The following DAB1 variants were observed in gnomAD, a reference collection of about 807,000 sequenced individuals.
The protein encoded by DAB1 is disabled homolog 1.
A neutral mutation model predicts 64.6 loss-of-function variants in DAB1; 15 were observed. The observed-to-expected ratio is 0.23, with a 90% CI of 0.16 to 0.36. The LOEUF (loss-of-function observed/expected upper bound fraction) is 0.36. Ranked by LOEUF, DAB1 falls within the 10% of genes least tolerant of loss-of-function variation. DAB1 has a pLI of 1.00. For missense variants in DAB1, 596 were observed against 706.7 expected (o/e 0.84, Z 1.78); for synonymous variants, 235 against 251.9 (o/e 0.93, Z 0.64).
At chr1:58,408,295 C>G (rs1482308860) in intron 3 of DAB1, among the ~76,000 whole-genome samples, 1 of 152,226 alleles carries the variant, frequency 6.6e-6, no homozygotes, top group African/African-American at 2.4e-5. Context: ...ATGAAATCCT[C>G]ATTCAAGTCT....
At chr1:57,365,502 G>T (rs562477697) in intron 1 of DAB1, among the ~76,000 whole-genome samples, 2 of 150,850 alleles carry the variant, frequency 1.3e-5, no homozygotes, top group African/African-American at 2.4e-5. Context: ...AGTCTAAAGG[G>T]CCCTAATATT....
chr1:57,355,387 T>G (rs553330509), intron 1 of DAB1, among the ~76,000 whole-genome samples: 1 of 151,634 alleles, frequency 6.6e-6, no homozygotes, highest in Non-Finnish European at 1.5e-5. Context: ...CTTCCTTCCT[T>G]CCTTCCGTCC....
intron 3 of DAB1, among the ~76,000 whole-genome samples, chr1:58,439,625 G>A (rs1644985524): frequency 6.6e-6 from 1 of 152,188 alleles, no homozygotes; most frequent in South Asian, 2.1e-4. Context: ...ATGCAATCCT[G>A]TGAGGAAAGT....
intron 1 of DAB1, among the ~76,000 whole-genome samples, chr1:58,538,539 G>T (rs1455114911): frequency 6.6e-6 from 1 of 151,996 alleles, no homozygotes; most frequent in Non-Finnish European, 1.5e-5. Context: ...TTTTTAAAGA[G>T]ATATTTCTAT....
chr1:57,411,738 T>A (rs971128706), intron 1 of DAB1, among the ~76,000 whole-genome samples: 2 of 152,194 alleles, frequency 1.3e-5, no homozygotes, highest in African/African-American at 4.8e-5. Flanking sequence ...ACAAAAGATG[T>A]CCTTTTAAGC....
intron 2 of DAB1, among the ~76,000 whole-genome samples, chr1:57,200,143 T>C (rs1050467119): frequency 6.6e-6 from 1 of 152,224 alleles, no homozygotes; most frequent in Admixed American, 6.5e-5. Context: ...GGTCTGAAAT[T>C]ACTGGTGACT....
rs1644149743 is a variant in DAB1 at position 58,359,991 on chromosome 1, G to A, written n.258-16588C>T. ...GGTGGCAATATCAACTACCTTGCTT[G>A]CCCTTACTGGGTTTCTTACTTCATG... On this transcript the variant is annotated intron_variant and non_coding_transcript_variant, in intron 3 of 20. Transcript: ENST00000485760. Among the ~76,000 whole-genome samples the A allele has an allele frequency of 2.0e-5, 3 of 152,250 alleles. No individual in the cohort carries two copies. In the South Asian group the frequency reaches 6.2e-4, roughly 32 times the overall value.
chr1:57,703,887 G>T (rs1327678993), intron 6 of DAB1, among the ~76,000 whole-genome samples: 2 of 152,108 alleles, frequency 1.3e-5, no homozygotes, highest in Non-Finnish European at 2.9e-5. Flanking sequence ...TCCTTTGCAG[G>T]GAGACGGATG....
chr1:58,366,069 C>T (rs1644213746), intron 3 of DAB1, among the ~76,000 whole-genome samples: 1 of 152,186 alleles, frequency 6.6e-6, no homozygotes, highest in African/African-American at 2.4e-5. Context: ...GAGATCAACA[C>T]TGAGCTCCCA....
chr1:57,488,088 T>C (rs1047528491), intron 7 of DAB1, among the ~76,000 whole-genome samples: 4 of 152,122 alleles, frequency 2.6e-5, no homozygotes, highest in African/African-American at 4.8e-5. Flanking sequence ...GCTGGATCAA[T>C]TGGTATGCAC....
chr1:57,834,921 C>T (rs1652745727), intron 1 of DAB1, among the ~76,000 whole-genome samples: 1 of 152,042 alleles, frequency 6.6e-6, no homozygotes, highest in Non-Finnish European at 1.5e-5. Context: ...AGTCTATTTT[C>T]CCCACCTTTT....
At chr1:58,245,793 G>A (rs1044410183) in intron 4 of DAB1, among the ~76,000 whole-genome samples, 3 of 152,136 alleles carry the variant, frequency 2.0e-5, no homozygotes, top group Admixed American at 6.5e-5. Flanking sequence ...TAGTATTCGT[G>A]TTCTACTTAT....
intron 4 of DAB1, among the ~76,000 whole-genome samples, chr1:57,113,569 G>C (rs1655852003): frequency 6.6e-6 from 1 of 152,186 alleles, no homozygotes; most frequent in Non-Finnish European, 1.5e-5. Flanking sequence ...AAACAGATGA[G>C]TGTGATTGTA....
At position 57,565,320 on chromosome 1, in the gene DAB1, T is replaced by C. The variant is rs191567100; in HGVS notation, n.625+84272A>G. On this transcript the variant is annotated intron_variant and non_coding_transcript_variant, in intron 7 of 20. Coordinates refer to the DAB1 transcript ENST00000485760. ...ACAGGTACCAGCCACTGCAAAAACA[T>C]GCCAAATTGTAAAGACCATTGATGC... 9.2e-5 allele frequency among the ~76,000 whole-genome samples: 14 copies of C among 152,250 alleles called. No individual in the cohort carries two copies. In the East Asian group the frequency reaches 1.7e-3, roughly 19 times the overall value.
At chr1:57,199,004 T>A (rs12040107) in intron 2 of DAB1, among the ~76,000 whole-genome samples, 22,835 of 152,116 alleles carry the variant, frequency 0.15, 2,149 homozygotes, top group Admixed American at 0.27. Flanking sequence ...CCCAGGCCAC[T>A]GGTCTTGTGA....
intron 2 of DAB1, among the ~76,000 whole-genome samples, chr1:57,282,292 C>A (rs567429075): frequency 6.6e-6 from 1 of 150,574 alleles, no homozygotes; most frequent in East Asian, 2.0e-4. Flanking sequence ...AAGGTGAAAT[C>A]GCAGTCTGCA....
At chr1:57,774,722 A>C (rs995858943) in intron 6 of DAB1, among the ~76,000 whole-genome samples, 1 of 151,762 alleles carries the variant, frequency 6.6e-6, no homozygotes, top group East Asian at 1.9e-4. Context: ...TAATTTTCAA[A>C]TTATCAACCA....
chr1:57,756,037 CA>C (rs60327143), intron 6 of DAB1, among the ~76,000 whole-genome samples: 17,419 of 152,216 alleles, frequency 0.11, 1,095 homozygotes, highest in East Asian at 0.21. Flanking sequence ...ACTTACTCTG[CA>C]ACTGGCAACT....
chr1:58,090,781 GC>G (rs1299876275), intron 5 of DAB1, among the ~76,000 whole-genome samples: 2 of 152,268 alleles, frequency 1.3e-5, no homozygotes, highest in East Asian at 1.9e-4. Context: ...ACACAGGCAG[GC>G]AGACTAACAA....
Sources: allele counts gnomAD v4.1 joint callset (sites outside exome capture counted in the v4.1 genomes callset), GRCh38; gene constraint gnomAD v4.1.1; transcripts MANE v1.5; gene names NCBI Gene and HGNC (gene_info 2026-07-23, HGNC 2026-07-21).